Variants in EIF4G3 observed in about 807,000 individuals in gnomAD.
EIF4G3 encodes eukaryotic translation initiation factor 4 gamma 3.
In EIF4G3, 34 loss-of-function variants were observed where a neutral mutation model predicts 186.4. The ratio of observed to expected loss-of-function variants is 0.18; its 90% CI spans 0.14 to 0.24. The LOEUF is 0.24. Ranked by LOEUF, EIF4G3 falls within the 10% of genes least tolerant of loss-of-function variation. The pLI, the probability that EIF4G3 is intolerant of heterozygous loss-of-function variation, is 1.00. For synonymous variants in EIF4G3, 673 were observed against 679.5 expected (o/e 0.99, Z 0.15); for missense variants, 1,536 against 1,948.5 (o/e 0.79, Z 3.99).
At chr1:20,884,484 T>TG (rs1344660517) in intron 19 of EIF4G3, among the ~76,000 whole-genome samples, 1 of 152,220 alleles carries the variant, frequency 6.6e-6, no homozygotes, top group Non-Finnish European at 1.5e-5. Context: ...CTGTCAATGA[T>TG]GAAGATCCAG....
chr1:20,873,087 T>C (rs1487175121), intron 20 of EIF4G3, among the ~76,000 whole-genome samples: 1 of 152,176 alleles, frequency 6.6e-6, no homozygotes, highest in East Asian at 1.9e-4. Context: ...TATAGACAGG[T>C]ATCCCCAAAC....
intron 30 of EIF4G3, among the ~76,000 whole-genome samples, chr1:20,833,805 CATA>C (rs1403667667): frequency 6.6e-6 from 1 of 152,228 alleles, no homozygotes; most frequent in East Asian, 1.9e-4. Context: ...CGTATTTCAA[CATA>C]ATAAGAGCTA....
intron 27 of EIF4G3, among the ~76,000 whole-genome samples, chr1:20,853,094 C>T (rs2073856426): frequency 6.6e-6 from 1 of 152,042 alleles, no homozygotes; most frequent in Non-Finnish European, 1.5e-5. Context: ...TTATGTAAAC[C>T]AGCCAACAGG....
intron 3 of EIF4G3, among the ~76,000 whole-genome samples, chr1:21,080,221 A>G (rs2095725558): frequency 7.1e-6 from 1 of 141,112 alleles, no homozygotes; most frequent in Admixed American, 7.2e-5. Flanking sequence ...AAGCTAAGGG[A>G]GGAGGGATAG....
At chr1:21,155,262 CAAAAAAAAAAA>C (rs34182850) in intron 2 of EIF4G3, among the ~76,000 whole-genome samples, 5 of 43,326 alleles carry the variant, frequency 1.2e-4, no homozygotes, top group Admixed American at 7.7e-4. Context: ...GACTCTGTCT[CAAAAAAAAAAA>C]AAAAAAAAAA....
chr1:21,004,727 C>A (rs916073000), intron 4 of EIF4G3, among the ~76,000 whole-genome samples: 5 of 151,750 alleles, frequency 3.3e-5, no homozygotes, highest in Admixed American at 2.0e-4. Context: ...GCTGGGATCA[C>A]CAATTTTAAA....
At chr1:20,846,679 G>A (rs1271914464) in intron 29 of EIF4G3, among the ~76,000 whole-genome samples, 1 of 152,162 alleles carries the variant, frequency 6.6e-6, no homozygotes, top group Non-Finnish European at 1.5e-5. Flanking sequence ...GGTATACCCA[G>A]TCATAACCCC....
rs1157063299 is a variant in EIF4G3 at position 20,899,876 on chromosome 1, C to A, written c.1820G>T (p.Gly607Val). ...AGAGGGGTCTCTTTCAGGATGAAAC[C>A]CCTGGCTCATTTTATCTTGTTCAGA... ...LESEQDKMSQ[G>V]FHPERDPSDL... Residue 607 changes from glycine to valine, a missense_variant, in exon 16 of 37, where the codon GGG (glycine) becomes GTG (valine). Gly to Val is a moderately radical substitution (Grantham distance 109). Transcript: ENST00000602326. 1.2e-6 allele frequency: 2 copies of A among 1,613,862 alleles called. No homozygotes were observed. Among genetic ancestry groups the A allele is most frequent in the Non-Finnish European group, 1.7e-6 (2 of 1,179,980 alleles).
rs182961057 is a variant in EIF4G3, at chr1:21,092,470, T to G, written c.-271-3257A>C. Among the ~76,000 whole-genome samples, 18 of 152,270 alleles carry G rather than the reference T, an allele frequency of 1.2e-4. No individual in the cohort carries two copies. The East Asian group carries it at 3.3e-3, about 28-fold the overall frequency. On this transcript the variant is annotated intron_variant, in intron 2 of 36. Transcript: ENST00000602326. ...TTTTTTTGTTGTTGTCAGGCTTTGG[T>G]ATCAGGATGATGCTGGCCTCATAAA... is the stretch of plus-strand genomic sequence containing the variant.
At chr1:21,080,105 G>A (rs1406281409) in intron 3 of EIF4G3, among the ~76,000 whole-genome samples, 1 of 151,056 alleles carries the variant, frequency 6.6e-6, no homozygotes, top group Non-Finnish European at 1.5e-5. Flanking sequence ...GAGCCAACAC[G>A]GTGCCACTGC....
intron 21 of EIF4G3, 105 bp downstream of exon 21, chr1:20,865,011 A>C (rs2077247976): frequency 7.6e-7 from 1 of 1,312,482 alleles, no homozygotes; most frequent in Non-Finnish European, 1.1e-6. Flanking sequence ...AAAAGGCCAT[A>C]GGTCCCTCTT....
At chr1:21,117,925 G>A (rs150918992) in intron 2 of EIF4G3, among the ~76,000 whole-genome samples, 497 of 151,940 alleles carry the variant, frequency 3.3e-3, no homozygotes, top group Non-Finnish European at 5.7e-3. Flanking sequence ...AAGGACTCAT[G>A]TACCCTACTT....
chr1:20,870,326 A>C (rs1375276199), intron 20 of EIF4G3, among the ~76,000 whole-genome samples: 1 of 152,132 alleles, frequency 6.6e-6, no homozygotes, highest in African/African-American at 2.4e-5. Flanking sequence ...CTGGCATAAC[A>C]GTATACAGAA....
rs141283638 is a variant in EIF4G3 at position 20,938,285 on chromosome 1, G to A, written c.1663+3206C>T. Reference sequence around the variant, plus strand: ...GCTGGGATTACAGGCATGAGCCACCGCGCCCGGCCTCAACTGATGCATTTT... The same window carrying A: ...GCTGGGATTACAGGCATGAGCCACCACGCCCGGCCTCAACTGATGCATTTT... On this transcript the variant is annotated intron_variant, in intron 14 of 36. Coordinates refer to ENST00000602326, the MANE Select transcript of EIF4G3 (RefSeq NM_001391906.1). Among the ~76,000 whole-genome samples, 1,072 of 152,246 alleles carry A rather than the reference G, an allele frequency of 7.0e-3. 5 individuals are homozygous for A. The highest frequency in any genetic ancestry group is 0.023 in the African/African-American group (966 of 41,552).
intron 2 of EIF4G3, among the ~76,000 whole-genome samples, chr1:21,117,917 G>A (rs1055101382): frequency 6.6e-6 from 1 of 151,762 alleles, no homozygotes; most frequent in Non-Finnish European, 1.5e-5. Context: ...GCCAAAAAAA[G>A]GACTCATGTA....
chr1:20,826,481 C>CTTTTTTTT (rs71014120), intron 32 of EIF4G3, among the ~76,000 whole-genome samples: 9 of 50,638 alleles, frequency 1.8e-4, no homozygotes, highest in Admixed American at 7.1e-4. Context: ...GTGAGTCTTT[C>CTTTTTTTT]TTTTTTTTTT....
At chr1:21,002,312 C>A (rs528303916) in intron 5 of EIF4G3, among the ~76,000 whole-genome samples, 1 of 152,278 alleles carries the variant, frequency 6.6e-6, no homozygotes, top group African/African-American at 2.4e-5. Context: ...TTCCCAAAAC[C>A]ACTGGAATTT....
chr1:20,892,548 T>C (rs2086439916), intron 18 of EIF4G3: 1 of 1,123,384 alleles, frequency 8.9e-7, no homozygotes, highest in Non-Finnish European at 1.3e-6. Flanking sequence ...CAATAGTAAA[T>C]AAAAAGAGCG....
At chr1:21,053,950 C>G (rs1273188875) in intron 3 of EIF4G3, among the ~76,000 whole-genome samples, 2 of 151,974 alleles carry the variant, frequency 1.3e-5, no homozygotes, top group Non-Finnish European at 2.9e-5. Flanking sequence ...TGCCCGGCCA[C>G]CACCCCGTCT....
Sources: allele counts gnomAD v4.1 joint callset (sites outside exome capture counted in the v4.1 genomes callset), GRCh38; gene constraint gnomAD v4.1.1; transcripts MANE v1.5; gene names NCBI Gene and HGNC (gene_info 2026-07-23, HGNC 2026-07-21).